Variants in ROBO1 observed in about 807,000 individuals in gnomAD.
The protein encoded by ROBO1 is roundabout guidance receptor 1.
In ROBO1, 149 loss-of-function variants were observed where a neutral mutation model predicts 195.9. The observed-to-expected ratio is 0.76, with a 90% CI of 0.67 to 0.87. ROBO1 has a LOEUF of 0.87. Among genes scored for constraint, ROBO1 ranks in the 40% least tolerant of loss-of-function variants. The pLI is 0.00. For synonymous variants in ROBO1, 816 were observed against 733.2 expected (o/e 1.11, Z -1.82); for missense variants, 1,933 against 2,068.3 (o/e 0.93, Z 1.27).
rs1186698019 is a variant in ROBO1 at position 79,419,031 on chromosome 3, T to C, written c.88+170793A>G. Reference sequence around the variant, plus strand: ...ACCTACACGTGCATTTGCAAGGCTGTGTCCAGAGGGCCATGTGTGGCTGGA... The same window carrying C: ...ACCTACACGTGCATTTGCAAGGCTGCGTCCAGAGGGCCATGTGTGGCTGGA... On this transcript the variant is annotated intron_variant, in intron 2 of 30. Coordinates refer to ENST00000464233, the MANE Select transcript of ROBO1 (RefSeq NM_002941.4). Among the ~76,000 whole-genome samples the C allele has an allele frequency of 2.0e-5, 3 of 152,104 alleles. No individual in the cohort carries two copies. In the South Asian group the frequency reaches 6.2e-4, roughly 31 times the overall value.
intron 1 of ROBO1, among the ~76,000 whole-genome samples, chr3:79,716,160 C>A (rs1021802972): frequency 6.6e-6 from 1 of 151,828 alleles, no homozygotes; most frequent in Non-Finnish European, 1.5e-5. Flanking sequence ...GAAATTTAAT[C>A]ATGATTAGAT....
intron 2 of ROBO1, among the ~76,000 whole-genome samples, chr3:79,239,643 A>G (rs986801591): frequency 2.0e-5 from 3 of 152,192 alleles, no homozygotes; most frequent in South Asian, 4.1e-4. Context: ...AGGACGGGGC[A>G]CTGCCTTATA....
At chr3:78,930,063 A>T (rs991916385) in intron 4 of ROBO1, among the ~76,000 whole-genome samples, 33 of 152,162 alleles carry the variant, frequency 2.2e-4, no homozygotes, top group Middle Eastern at 3.4e-3. Context: ...AACAAATAAA[A>T]CCTCCTAAGG....
intron 1 of ROBO1, among the ~76,000 whole-genome samples, chr3:79,654,788 T>C (rs1402121753): frequency 1.3e-5 from 2 of 152,062 alleles, no homozygotes; most frequent in Admixed American, 1.3e-4. Flanking sequence ...ATTATCATTT[T>C]GATTTAAATC....
intron 4 of ROBO1, among the ~76,000 whole-genome samples, chr3:78,911,890 C>T (rs144400604): frequency 5.7e-4 from 86 of 151,972 alleles, no homozygotes; most frequent in African/African-American, 2.0e-3. Flanking sequence ...TGAGATAGTC[C>T]GCTATTTTGA....
At chr3:79,334,155 A>T (rs1178244278) in intron 2 of ROBO1, among the ~76,000 whole-genome samples, 1 of 151,798 alleles carries the variant, frequency 6.6e-6, no homozygotes, top group Non-Finnish European at 1.5e-5. Flanking sequence ...AAATTAAAAA[A>T]TTAGCCGGGC....
chr3:79,543,965 C>T (rs1276415581), intron 2 of ROBO1, among the ~76,000 whole-genome samples: 1 of 151,852 alleles, frequency 6.6e-6, no homozygotes, highest in Non-Finnish European at 1.5e-5. Flanking sequence ...TTAGACTAAA[C>T]AAAAAATGAG....
intron 1 of ROBO1, among the ~76,000 whole-genome samples, chr3:79,723,127 A>C (rs1576283944): frequency 6.6e-6 from 1 of 152,326 alleles, no homozygotes; most frequent in African/African-American, 2.4e-5. Context: ...CACCAATACC[A>C]ATTGCCCTCC....
intron 2 of ROBO1, among the ~76,000 whole-genome samples, chr3:79,530,365 ATTT>A (rs531826400): frequency 6.6e-6 from 1 of 151,766 alleles, no homozygotes; most frequent in East Asian, 1.9e-4. Flanking sequence ...TTCGAGAGAG[ATTT>A]TTTTTCCTGT....
intron 2 of ROBO1, among the ~76,000 whole-genome samples, chr3:79,438,633 A>G (rs1222937449): frequency 9.9e-5 from 15 of 152,024 alleles, no homozygotes; most frequent in Admixed American, 9.8e-4. Context: ...AGAACACTCA[A>G]TAGTTTATTT....
chr3:78,962,845 A>C (rs894179826), intron 3 of ROBO1, among the ~76,000 whole-genome samples: 1 of 150,494 alleles, frequency 6.6e-6, no homozygotes, highest in Admixed American at 6.6e-5. Context: ...AAAAAAAAAA[A>C]AAAACTTTTC....
chr3:79,504,856 T>C (rs561162410), intron 2 of ROBO1, among the ~76,000 whole-genome samples: 81 of 152,224 alleles, frequency 5.3e-4, no homozygotes, highest in African/African-American at 1.9e-3. Context: ...TGTGTATCTT[T>C]CTATGTGTGT....
intron 2 of ROBO1, among the ~76,000 whole-genome samples, chr3:79,194,191 T>C (rs1477514088): frequency 6.6e-6 from 1 of 151,712 alleles, no homozygotes; most frequent in African/African-American, 2.4e-5. Flanking sequence ...TTCTTATTTA[T>C]AGCCTATCAA....
At chr3:78,742,076 T>C (rs1034225801) in intron 5 of ROBO1, among the ~76,000 whole-genome samples, 1 of 152,162 alleles carries the variant, frequency 6.6e-6, no homozygotes, top group Non-Finnish European at 1.5e-5. Flanking sequence ...CAACTACATA[T>C]TTCCCCTTTT....
chr3:78,682,255 T>C (rs2080933576), intron 10 of ROBO1, among the ~76,000 whole-genome samples: 2 of 151,942 alleles, frequency 1.3e-5, no homozygotes, highest in South Asian at 4.1e-4. Context: ...AAATAAAATG[T>C]ATAAATACTG....
At chr3:79,618,073 TAAAGA>T (rs902106101) in intron 1 of ROBO1, among the ~76,000 whole-genome samples, 1 of 150,350 alleles carries the variant, frequency 6.7e-6, no homozygotes, top group Non-Finnish European at 1.5e-5. Context: ...CACACAAAAA[TAAAGA>T]AAAAAGAATT....
At chr3:79,059,780 T>G (rs576555881) in intron 3 of ROBO1, among the ~76,000 whole-genome samples, 1 of 152,098 alleles carries the variant, frequency 6.6e-6, no homozygotes, top group African/African-American at 2.4e-5. Flanking sequence ...AAACTGAGGA[T>G]GTATGTTGCC....
At chr3:78,671,465 A>G (rs1708061993) in intron 10 of ROBO1, among the ~76,000 whole-genome samples, 1 of 152,134 alleles carries the variant, frequency 6.6e-6, no homozygotes, top group Non-Finnish European at 1.5e-5. Flanking sequence ...AAATTTTGGA[A>G]GCAATAATTT....
At chr3:79,304,388 T>C (rs888859586) in intron 2 of ROBO1, among the ~76,000 whole-genome samples, 2 of 152,210 alleles carry the variant, frequency 1.3e-5, no homozygotes, top group Non-Finnish European at 2.9e-5. Context: ...TGACCTGCAA[T>C]AGACTGCGGC....
Sources: allele counts gnomAD v4.1 joint callset (sites outside exome capture counted in the v4.1 genomes callset), GRCh38; gene constraint gnomAD v4.1.1; transcripts MANE v1.5; gene names NCBI Gene and HGNC (gene_info 2026-07-23, HGNC 2026-07-21).